The following PCDH15 variants were observed in gnomAD, a reference collection of about 807,000 sequenced individuals.
PCDH15 encodes protocadherin-15.
PCDH15 carries 129 observed loss-of-function variants against 178.5 expected under a neutral mutation model. The ratio of observed to expected loss-of-function variants is 0.72; its 90% confidence interval spans 0.63 to 0.84. PCDH15 has a LOEUF of 0.84. Ranked by LOEUF, PCDH15 falls within the 40% of genes least tolerant of loss-of-function variation. The probability of loss-of-function intolerance (pLI) is 0.00; values close to 1 mark genes in which losing one functional copy is unlikely to be tolerated. For synonymous variants in PCDH15, 800 were observed against 732.0 expected, an observed-to-expected ratio of 1.09 and a Z score of -1.50; for missense variants, 2,230 against 2,099.9, an observed-to-expected ratio of 1.06 and a Z score of -1.21.
At chr10:54,657,891 C>T (rs2135340571) in intron 2 of PCDH15, among the ~76,000 whole-genome samples, 1 of 151,926 alleles carries the variant, frequency 6.6e-6, no homozygotes, top group East Asian at 1.9e-4. Flanking sequence ...ATAAAGAATT[C>T]AAAATACAGA....
intron 2 of PCDH15, among the ~76,000 whole-genome samples, chr10:55,075,366 A>T (rs1260208214): frequency 9.1e-5 from 12 of 132,312 alleles, no homozygotes; most frequent in Middle Eastern, 7.8e-3. Flanking sequence ...TTTTGTTTAA[A>T]TTTTTTTTTT....
At chr10:54,682,714 A>G (rs1431257368) in intron 1 of PCDH15, among the ~76,000 whole-genome samples, 1 of 152,150 alleles carries the variant, frequency 6.6e-6, no homozygotes, top group Non-Finnish European at 1.5e-5. Flanking sequence ...ATACTCTCAC[A>G]TTCTTAAAAA....
chr10:53,938,772 A>T (rs2085795153), intron 25 of PCDH15, 43 bp downstream of exon 25: 8 of 1,597,426 alleles, frequency 5.0e-6, no homozygotes, highest in Non-Finnish European at 6.8e-6. Flanking sequence ...ATTAGCAGAG[A>T]CACCATACAA....
At chr10:55,178,635 G>A (rs1419605390) in intron 1 of PCDH15, among the ~76,000 whole-genome samples, 1 of 152,110 alleles carries the variant, frequency 6.6e-6, no homozygotes, top group East Asian at 1.9e-4. Context: ...TAGAGTAAAG[G>A]CCTGGGGAAC....
intron 2 of PCDH15, among the ~76,000 whole-genome samples, chr10:54,961,950 A>T (rs148587992): frequency 3.7e-4 from 56 of 152,244 alleles, no homozygotes; most frequent in African/African-American, 1.1e-3. Flanking sequence ...CTCTACACTC[A>T]TTGGGATGAT....
chr10:55,452,256 C>T (rs919428449), intron 2 of PCDH15, among the ~76,000 whole-genome samples: 1 of 151,840 alleles, frequency 6.6e-6, no homozygotes, highest in African/African-American at 2.4e-5. Flanking sequence ...GTGTAAATGC[C>T]ATTGTGTTAA....
At chr10:54,135,917 A>G (rs891728372) in intron 14 of PCDH15, among the ~76,000 whole-genome samples, 6 of 152,228 alleles carry the variant, frequency 3.9e-5, no homozygotes, top group Non-Finnish European at 8.8e-5. Context: ...ATATTTGTAT[A>G]TGTAAGTACA....
chr10:54,766,405 C>T (rs964635716), intron 1 of PCDH15, among the ~76,000 whole-genome samples: 19 of 152,150 alleles, frequency 1.2e-4, no homozygotes, highest in Middle Eastern at 3.4e-3. Context: ...GATGCTTCTG[C>T]TTTAAATTAT....
chr10:53,855,920 A>ATATATATATATATATATGTGTGTGTG (rs1201156130), intron 28 of PCDH15, among the ~76,000 whole-genome samples: 1 of 140,412 alleles, frequency 7.1e-6, no homozygotes, highest in South Asian at 2.4e-4. Context: ...ATATATATAT[A>ATATATATATATATATATGTGTGTGTG]TGTATGTGTG....
At chr10:55,204,281 T>C (rs888133683) in intron 1 of PCDH15, among the ~76,000 whole-genome samples, 1 of 150,430 alleles carries the variant, frequency 6.6e-6, no homozygotes, top group East Asian at 1.9e-4. Context: ...GTGTTTAATG[T>C]ATTGAATTTT....
At chr10:54,973,247 G>A (rs776669869) in intron 2 of PCDH15, among the ~76,000 whole-genome samples, 3 of 152,138 alleles carry the variant, frequency 2.0e-5, no homozygotes, top group Non-Finnish European at 4.4e-5. Context: ...TATGCAAAAG[G>A]CTGTGTGCAG....
chr10:55,503,083 A>C (rs1840690133), intron 2 of PCDH15, among the ~76,000 whole-genome samples: 1 of 151,438 alleles, frequency 6.6e-6, no homozygotes. Flanking sequence ...AATATGAAAG[A>C]CATCTTATAA....
At chr10:54,016,830 G>A (rs2092755891) in intron 20 of PCDH15, among the ~76,000 whole-genome samples, 1 of 152,018 alleles carries the variant, frequency 6.6e-6, no homozygotes, top group Admixed American at 6.6e-5. Context: ...CAAACCCTGT[G>A]ACACACAATT....
chr10:54,005,347 G>A (rs2092347522), intron 20 of PCDH15, among the ~76,000 whole-genome samples: 1 of 151,802 alleles, frequency 6.6e-6, no homozygotes, highest in African/African-American at 2.4e-5. Context: ...GCACATCAAA[G>A]GAAAGAATCA....
chr10:53,945,590 A>AT (rs972705121), intron 23 of PCDH15, among the ~76,000 whole-genome samples: 5 of 151,444 alleles, frequency 3.3e-5, no homozygotes, highest in African/African-American at 7.3e-5. Context: ...CCATGTAACC[A>AT]TTTTTTTACG....
intron 1 of PCDH15, among the ~76,000 whole-genome samples, chr10:54,697,789 G>A (rs1371626425): frequency 1.3e-5 from 2 of 151,296 alleles, no homozygotes; most frequent in African/African-American, 2.4e-5. Context: ...GGAAGGGATG[G>A]AGGGAGAGTG....
chr10:55,067,288 G>A (rs1291728677), intron 2 of PCDH15, among the ~76,000 whole-genome samples: 1 of 151,958 alleles, frequency 6.6e-6, no homozygotes, highest in Admixed American at 6.6e-5. Context: ...GTGTGTCCAT[G>A]AGATCAAGTT....
chr10:55,404,334 G>A (rs1347779889), intron 2 of PCDH15, among the ~76,000 whole-genome samples: 1 of 152,038 alleles, frequency 6.6e-6, no homozygotes, highest in Non-Finnish European at 1.5e-5. Context: ...TGATTGATGA[G>A]ACACAGATGC....
At chr10:55,515,678 A>G (rs1266194244) in intron 2 of PCDH15, among the ~76,000 whole-genome samples, 4 of 152,096 alleles carry the variant, frequency 2.6e-5, no homozygotes, top group Non-Finnish European at 2.9e-5. Context: ...ACTCTTAAGA[A>G]TGAAGAAAAT....
Sources: gnomAD v4.1 joint callset for allele counts (sites outside exome capture counted in the v4.1 genomes callset) on GRCh38, gnomAD v4.1.1 for gene constraint, MANE v1.5 for transcripts, NCBI Gene and HGNC (gene_info 2026-07-23, HGNC 2026-07-21) for gene names.